DNAH5: variants seen among roughly 807,000 people sequenced by gnomAD.
DNAH5 encodes the protein dynein axonemal heavy chain 5.
Under a neutral mutation model 518.2 loss-of-function variants are expected in DNAH5, and 372 were observed. The ratio of observed to expected loss-of-function variants is 0.72; its 90% CI spans 0.66 to 0.78. The LOEUF is 0.78. Ranked by LOEUF, DNAH5 falls within the 30% of genes least tolerant of loss-of-function variation. The probability of loss-of-function intolerance (pLI) is 0.00; values close to 1 mark genes in which losing one functional copy is unlikely to be tolerated. For synonymous variants in DNAH5, 2,039 were observed against 2,025.9 expected (o/e 1.01, Z -0.17); for missense variants, 5,523 against 5,687.0 (o/e 0.97, Z 0.93).
intron 1 of DNAH5, among the ~76,000 whole-genome samples, chr5:13,991,690 C>A (rs1253083659): frequency 6.6e-6 from 1 of 152,008 alleles, no homozygotes; most frequent in Admixed American, 6.6e-5. Context: ...GGCGTGAAGA[C>A]AGAACAGAGG....
At chr5:13,998,527 G>A (rs1477261470) in intron 1 of DNAH5, among the ~76,000 whole-genome samples, 1 of 152,218 alleles carries the variant, frequency 6.6e-6, no homozygotes, top group Non-Finnish European at 1.5e-5. Flanking sequence ...GGCTCTGAAA[G>A]CCAAGCTTCA....
In DNAH5 at chr5:13,786,272, A is replaced by G; in HGVS notation, c.8727T>C (p.Arg2909=). The change falls in exon 52 of 79, where the codon CGT becomes CGC. Residue 2909 remains arginine (R), a synonymous_variant. Coordinates refer to ENST00000265104, the MANE Select transcript of DNAH5 (RefSeq NM_001369.3). ...PIESFSHLKE[R]LNMFLQLYNE... ...TATAGAGCTGCAGGAACATATTCAG[A>G]CGCTCTTTTAGGTGACTAAAAGATT... 1 of 1,614,026 alleles carries G rather than the reference A, an allele frequency of 6.2e-7. No individual in the cohort carries two copies. The highest frequency in any genetic ancestry group is 8.5e-7 in the Non-Finnish European group (1 of 1,179,986).
chr5:13,694,392 A>G (rs1741087528), intron 78 of DNAH5, among the ~76,000 whole-genome samples: 1 of 152,206 alleles, frequency 6.6e-6, no homozygotes, highest in Non-Finnish European at 1.5e-5. Context: ...GATAGATGCT[A>G]AACAACTACA....
rs201416769 is a variant in DNAH5 at position 13,720,858 on chromosome 5, A to AT, written c.12279+141dup. The AT allele has an allele frequency of 3.1e-3, 3,656 of 1,163,408 alleles. 67 individuals are homozygous for AT. In the African/African-American group the frequency reaches 0.056, roughly 18 times the overall value. 72.1% of individuals were successfully genotyped at this position (1,163,408 alleles called of 1,614,324 possible). A position where few individuals can be genotyped will look rare whatever the true frequency, so the allele number is the denominator to read the frequency against. On this transcript the variant is annotated intron_variant, in intron 71 of 78. Transcript: ENST00000265104. ...CTCAAAAGTTTCAATGTTAGCTTAA[A>AT]TTTAAAAAAAAAACGCTGTTTAGTA...
At chr5:13,751,974 G>A (rs1750298629) in intron 64 of DNAH5, among the ~76,000 whole-genome samples, 160 bp downstream of exon 64, 1 of 152,152 alleles carries the variant, frequency 6.6e-6, no homozygotes, top group Non-Finnish European at 1.5e-5. Flanking sequence ...CTTGCTCCTG[G>A]ATATTTTAAT....
chr5:13,852,161 C>G (rs1205164755), intron 30 of DNAH5, among the ~76,000 whole-genome samples: 1 of 151,998 alleles, frequency 6.6e-6, no homozygotes, highest in Non-Finnish European at 1.5e-5. Context: ...GAGCTAGCTG[C>G]AGTTTTTTTT....
intron 17 of DNAH5, among the ~76,000 whole-genome samples, chr5:13,889,741 G>C (rs10075759): frequency 6.6e-6 from 1 of 151,866 alleles, no homozygotes; most frequent in Non-Finnish European, 1.5e-5. Context: ...CAGAGGGGAC[G>C]GTGAGCTCCG....
chr5:13,802,911 C>G (rs139833854), intron 47 of DNAH5, among the ~76,000 whole-genome samples: 101 of 152,040 alleles, frequency 6.6e-4, no homozygotes, highest in African/African-American at 2.2e-3. Context: ...TGTATAGATA[C>G]GTAAATCATA....
intron 15 of DNAH5, chr5:13,897,778 TA>T: frequency 6.6e-6 from 1 of 152,346 alleles, no homozygotes; most frequent in East Asian, 1.9e-4. Flanking sequence ...AATTGTCATT[TA>T]AAACATTCTT....
chr5:13,798,439 T>C (rs184886149), intron 47 of DNAH5, among the ~76,000 whole-genome samples: 31 of 152,270 alleles, frequency 2.0e-4, no homozygotes, highest in Middle Eastern at 3.4e-3. Flanking sequence ...ACTCAAAAGC[T>C]CATTTCATTT....
intron 52 of DNAH5, among the ~76,000 whole-genome samples, chr5:13,782,236 T>C (rs1436850339): frequency 2.0e-5 from 3 of 152,200 alleles, no homozygotes; most frequent in Non-Finnish European, 4.4e-5. Flanking sequence ...CTGAAGTCAC[T>C]GGGGCTCTGC....
intron 35 of DNAH5, among the ~76,000 whole-genome samples, chr5:13,834,718 G>A (rs1247693722): frequency 6.6e-6 from 1 of 152,206 alleles, no homozygotes; most frequent in Non-Finnish European, 1.5e-5. Context: ...TGTATAATGA[G>A]GGCAAGGGCC....
intron 1 of DNAH5, among the ~76,000 whole-genome samples, chr5:13,968,608 T>C (rs902401992): frequency 3.3e-5 from 5 of 152,236 alleles, no homozygotes; most frequent in African/African-American, 1.2e-4. Context: ...TTATGTGGTA[T>C]ATCACATTTA....
At chr5:13,971,588 G>T (rs115176060) in intron 1 of DNAH5, among the ~76,000 whole-genome samples, 1,742 of 152,264 alleles carry the variant, frequency 0.011, 18 homozygotes, top group East Asian at 0.055. Context: ...CTATGGTCTG[G>T]TACTGGGGAG....
At chr5:13,857,039 G>A (rs1441846409) in intron 30 of DNAH5, among the ~76,000 whole-genome samples, 1 of 152,164 alleles carries the variant, frequency 6.6e-6, no homozygotes, top group Admixed American at 6.5e-5. Flanking sequence ...AAGAAATAAA[G>A]GGTATTCAAA....
At chr5:13,841,199 T>G in intron 33 of DNAH5, 69 bp from the exon 34 acceptor site, 1 of 1,223,430 alleles carries the variant, frequency 8.2e-7, no homozygotes, top group Non-Finnish European at 1.2e-6. Context: ...AAATACAATG[T>G]GATCAACAGC....
In DNAH5 at chr5:13,904,927, T is replaced by TGAAA. The variant is rs574148538; in HGVS notation, c.1645-2793_1645-2790dup. ...CCCTGTTTCAAAAAAGAAAAGAAAA[T>TGAAA]GAAAGAAAGAAAGAAATAGTAGGAA... On this transcript the variant is annotated intron_variant, in intron 12 of 78. Coordinates refer to ENST00000265104, the MANE Select transcript of DNAH5 (RefSeq NM_001369.3). 3.0e-3 allele frequency among the ~76,000 whole-genome samples: 448 copies of TGAAA among 149,600 alleles called. 2 individuals carry two copies. Among genetic ancestry groups the TGAAA allele is most frequent in the South Asian group, 0.019 (91 of 4,670 alleles).
intron 55 of DNAH5, among the ~76,000 whole-genome samples, chr5:13,772,751 T>G (rs1053995431): frequency 2.1e-5 from 3 of 145,154 alleles, no homozygotes; most frequent in African/African-American, 7.8e-5. Context: ...TTCTTTAAAT[T>G]AGAAAAACAC....
At chr5:13,744,630 A>AG (rs1189962684) in intron 65 of DNAH5, among the ~76,000 whole-genome samples, 1 of 152,120 alleles carries the variant, frequency 6.6e-6, no homozygotes, top group Non-Finnish European at 1.5e-5. Flanking sequence ...TCAATTAAAA[A>AG]TAAAATAAAA....
Sources: allele counts gnomAD v4.1 joint callset (sites outside exome capture counted in the v4.1 genomes callset), GRCh38; gene constraint gnomAD v4.1.1; transcripts MANE v1.5; gene names NCBI Gene and HGNC (gene_info 2026-07-23, HGNC 2026-07-21).